Variants in ZRANB1 observed in about 807,000 individuals in gnomAD.
ZRANB1 encodes the protein ubiquitin thioesterase ZRANB1.
A neutral mutation model predicts 80.5 loss-of-function variants in ZRANB1; 16 were observed. That is an observed-to-expected ratio of 0.20 (90% CI 0.13 to 0.30). The LOEUF is 0.30. ZRANB1 is among the 10% of genes least tolerant of loss of function. The probability of loss-of-function intolerance (pLI) is 1.00; values close to 1 mark genes in which losing one functional copy is unlikely to be tolerated. For synonymous variants in ZRANB1, 291 were observed against 293.1 expected (o/e 0.99, Z 0.07); for missense variants, 576 against 862.6 (o/e 0.67, Z 4.16).
the ZRANB1 span, among the ~76,000 whole-genome samples, chr10:124,922,337 T>TATATATATATATA: frequency 2.9e-5 from 1 of 34,776 alleles, no homozygotes; most frequent in Non-Finnish European, 7.6e-5. Flanking sequence ...TATATATATA[T>TATATATATATATA]TTTTTTTTTA....
chr10:124,954,582 G>T (rs1271543), intron 1 of ZRANB1, among the ~76,000 whole-genome samples: 1 of 150,536 alleles, frequency 6.6e-6, no homozygotes, highest in East Asian at 2.0e-4. Context: ...CTAGTAGCTG[G>T]GATTACAGGT....
In ZRANB1 at chr10:124,987,902, G is replaced by C. The variant is rs1952101290; in HGVS notation, c.*2910G>C. On this transcript the variant is annotated 3_prime_UTR_variant, in exon 9 of 9. Transcript: ENST00000359653. ...TTAAAAAGAAGATCCATTAAATCAA[G>C]CTCTTAACTCATGGGACTATTTGCA... The C allele has an allele frequency of 6.6e-6, 1 of 152,276 alleles. No homozygotes were observed. Among genetic ancestry groups the C allele is most frequent in the Non-Finnish European group, 1.5e-5 (1 of 68,002 alleles). 9.4% of individuals were successfully genotyped at this position (152,276 alleles called of 1,614,324 possible).
At chr10:124,984,583 T>C (rs908446360) in intron 8 of ZRANB1, 191 bp from the exon 9 acceptor site, 1 of 554,000 alleles carries the variant, frequency 1.8e-6, no homozygotes, top group African/African-American at 1.9e-5. Context: ...CCCATTTATG[T>C]CTTTTTAAAT....
chr10:124,946,795 G>A (rs1293019006), intron 1 of ZRANB1, among the ~76,000 whole-genome samples: 1 of 152,112 alleles, frequency 6.6e-6, no homozygotes, highest in Admixed American at 6.5e-5. Flanking sequence ...AAAGGCTTGA[G>A]CAGTAAGACT....
chr10:124,939,582 T>A (rs1951517079), upstream of ZRANB1, among the ~76,000 whole-genome samples: 1 of 152,210 alleles, frequency 6.6e-6, no homozygotes, highest in Non-Finnish European at 1.5e-5. Context: ...TACGGGCTGT[T>A]TAGTTGCACC....
intron 1 of ZRANB1, among the ~76,000 whole-genome samples, chr10:124,951,667 A>G (rs930591339): frequency 2.0e-5 from 3 of 152,158 alleles, no homozygotes; most frequent in Admixed American, 6.5e-5. Context: ...TTTTAAAAAC[A>G]CACCATCTGC....
At position 124,943,121 on chromosome 10, in the gene ZRANB1, G is replaced by A. The variant is rs1403089593; in HGVS notation, c.628G>A (p.Gly210Ser). 6.2e-7 allele frequency: 1 copy of A among 1,614,034 alleles called. No individual in the cohort carries two copies. Among genetic ancestry groups the A allele is most frequent in the African/African-American group, 1.3e-5 (1 of 74,918 alleles). Residue 210 changes from glycine (G) to serine (S), a missense_variant, in exon 1 of 9, where the codon GGT (glycine) becomes AGT (serine). Gly to Ser is a moderately conservative substitution (Grantham distance 56, BLOSUM62 0). This residue lies in a region of ZRANB1 where 411 missense variants were observed against 583.1 expected (regional missense o/e 0.70). Coordinates refer to ENST00000359653, the MANE Select transcript of ZRANB1 (RefSeq NM_017580.3). Reference sequence around the variant, plus strand: ...TCGATGGAGGGGAAGTTGCAGTAGTGGTAATAGCCAAAGGAGATCACCTCC... The same window carrying A: ...TCGATGGAGGGGAAGTTGCAGTAGTAGTAATAGCCAAAGGAGATCACCTCC... ...RARWRGSCSS[G>S]NSQRRSPPAT... is the part of the protein sequence containing the mutation.
chr10:124,965,854 T>C (rs1951771361), intron 1 of ZRANB1, among the ~76,000 whole-genome samples: 1 of 152,232 alleles, frequency 6.6e-6, no homozygotes, highest in Non-Finnish European at 1.5e-5. Flanking sequence ...GTGTTAAGAT[T>C]AATAAAATGG....
chr10:124,951,429 A>G (rs2134255572), intron 1 of ZRANB1, among the ~76,000 whole-genome samples: 1 of 152,376 alleles, frequency 6.6e-6, no homozygotes, highest in South Asian at 2.1e-4. Context: ...TACCATGTCA[A>G]AACGGAAAAG....
chr10:124,932,281 ATTTTTTT>A, the ZRANB1 span, among the ~76,000 whole-genome samples: 13 of 115,312 alleles, frequency 1.1e-4, no homozygotes, highest in African/African-American at 4.6e-4. Flanking sequence ...GGGTGTAAAG[ATTTTTTT>A]TTTTTTTTTT....
intron 1 of ZRANB1, among the ~76,000 whole-genome samples, chr10:124,958,167 C>T (rs774520461): frequency 3.9e-5 from 6 of 152,204 alleles, no homozygotes; most frequent in East Asian, 1.9e-4. Context: ...CTTCTTGTAA[C>T]GATCTTTGAT....
chr10:124,973,150 TA>T (rs2133985756), intron 3 of ZRANB1, among the ~76,000 whole-genome samples: 1 of 152,308 alleles, frequency 6.6e-6, no homozygotes, highest in African/African-American at 2.4e-5. Flanking sequence ...TTTAAAAATT[TA>T]TTTTTTATTT....
intron 1 of ZRANB1, among the ~76,000 whole-genome samples, chr10:124,961,115 C>G (rs1951729884): frequency 6.6e-6 from 1 of 152,052 alleles, no homozygotes; most frequent in Admixed American, 6.6e-5. Flanking sequence ...GATTCTCCTG[C>G]CTCAGCCTCC....
At chr10:124,922,260 AATATAT>A in the ZRANB1 span, among the ~76,000 whole-genome samples, 1 of 105,968 alleles carries the variant, frequency 9.4e-6, no homozygotes, top group East Asian at 2.5e-4. Flanking sequence ...ATATATGTAA[AATATAT>A]ATATATATAT....
chr10:124,986,760 T>G lies in ZRANB1; in HGVS notation c.*1768T>G, dbSNP rs928261880. On this transcript the variant is annotated 3_prime_UTR_variant, in exon 9 of 9. Transcript: ENST00000359653. ...TAATTTCTCTATGTATAGGGATAAT[T>G]TTTTAGTGGGCAGAGATCCTGTTCT... 6.6e-6 allele frequency: 1 copy of G among 152,192 alleles called. No homozygotes were observed. Among genetic ancestry groups the G allele is most frequent in the Non-Finnish European group, 1.5e-5 (1 of 68,038 alleles). The allele number at this position is 152,192 out of a possible 1,614,324, so 9.4% of individuals were successfully genotyped here. A position where few individuals can be genotyped will look rare whatever the true frequency, so the allele number is the denominator to read the frequency against.
At chr10:124,932,620 A>G in the ZRANB1 span, among the ~76,000 whole-genome samples, 4 of 151,920 alleles carry the variant, frequency 2.6e-5, no homozygotes, top group African/African-American at 9.7e-5. Flanking sequence ...GTTGCTCCAC[A>G]TTCTTGATAG....
Position 124,983,157 on chromosome 10 carries a change from T to C in ZRANB1, c.1549-18T>C, listed in dbSNP as rs1464333157. 1.3e-6 allele frequency: 2 copies of C among 1,596,288 alleles called. No individual in the cohort carries two copies. Among genetic ancestry groups the C allele is most frequent in the East Asian group, 2.2e-5 (1 of 44,692 alleles). The stretch of plus-strand genomic sequence containing the variant: ...GAGTGGTAATAAATGTTTTAAGTTT[T>C]TGTTTTGTTTCGTACAGCCTGGAGC... On this transcript the variant is annotated intron_variant, in intron 6 of 8. Transcript: ENST00000359653. The surrounding 1 kb of genome is among the most constrained non-coding windows in gnomAD (Gnocchi z 6.2).
At chr10:124,970,930 C>T (rs1292914748) in intron 2 of ZRANB1, among the ~76,000 whole-genome samples, 10 of 150,626 alleles carry the variant, frequency 6.6e-5, no homozygotes, top group African/African-American at 2.2e-4. Flanking sequence ...TTCCTCCTCC[C>T]GGGTTCAAGT....
the ZRANB1 span, among the ~76,000 whole-genome samples, chr10:124,935,011 A>G: frequency 5.3e-5 from 8 of 152,268 alleles, no homozygotes. Context: ...AGAGAGCTTC[A>G]GACTAAGCCA....
Sources: gnomAD v4.1 joint callset for allele counts (sites outside exome capture counted in the v4.1 genomes callset) on GRCh38, gnomAD v4.1.1 for gene constraint, gnomAD v4.1.1 regional missense constraint, Gnocchi (gnomAD v3.1) non-coding constraint, MANE v1.5 for transcripts, NCBI Gene and HGNC (gene_info 2026-07-23, HGNC 2026-07-21) for gene names.